ATP8A2: variants seen among roughly 807,000 people sequenced by gnomAD.
The protein encoded by ATP8A2 is ATPase phospholipid transporting 8A2, also known as phospholipid-transporting ATPase IB.
Under a neutral mutation model 165.6 loss-of-function variants are expected in ATP8A2, and 100 were observed. The ratio of observed to expected loss-of-function variants is 0.60; its 90% confidence interval spans 0.51 to 0.71. The LOEUF is 0.71. Ranked by LOEUF, ATP8A2 falls within the 30% of genes least tolerant of loss-of-function variation. The probability of loss-of-function intolerance (pLI) is 0.00; values close to 1 mark genes in which losing one functional copy is unlikely to be tolerated. For missense variants in ATP8A2, 1,227 were observed against 1,479.5 expected (o/e 0.83, Z 2.80); for synonymous variants, 543 against 548.8 (o/e 0.99, Z 0.15).
chr13:25,816,346 C>T (rs1014723963), intron 27 of ATP8A2, among the ~76,000 whole-genome samples: 3 of 152,184 alleles, frequency 2.0e-5, no homozygotes, highest in Non-Finnish European at 2.9e-5. Flanking sequence ...TCTTCTCTCA[C>T]TTCATTTTCC....
intron 24 of ATP8A2, among the ~76,000 whole-genome samples, chr13:25,652,476 T>C (rs1275251596): frequency 4.6e-5 from 7 of 152,196 alleles, no homozygotes; most frequent in Admixed American, 4.6e-4. Context: ...ATGCTAGACC[T>C]CCCTCTTCCT....
In ATP8A2 at chr13:25,476,168, G is replaced by T. The variant is rs939350667; in HGVS notation, c.221+7047G>T. ...ATCCAATGTCATTGAGTACTGTGAG[G>T]ATGAAGAATTCTCCTCTAAATGTTT... On this transcript the variant is annotated intron_variant, in intron 2 of 36. Coordinates refer to ENST00000381655, the MANE Select transcript of ATP8A2 (RefSeq NM_016529.6). Among the ~76,000 whole-genome samples the T allele has an allele frequency of 3.9e-5, 6 of 152,130 alleles. 1 individual carries two copies. In the South Asian group the frequency reaches 1.2e-3, roughly 32 times the overall value.
rs181962390 is a variant in ATP8A2, at chr13:25,624,358, A to G, written c.2211+34659A>G. On this transcript the variant is annotated intron_variant, in intron 24 of 36. Transcript: ENST00000381655. ...AATACAGAAGAGGAAAAGGAGACAA[A>G]TGAAATTACAGAAATGGCCTCAGCT... Among the ~76,000 whole-genome samples, 58 of 152,294 alleles carry G rather than the reference A, an allele frequency of 3.8e-4. 1 individual carries two copies. The highest frequency in any genetic ancestry group is 3.4e-3 in the Middle Eastern group (1 of 294).
At chr13:25,850,733 A>C (rs1037439087) in intron 30 of ATP8A2, among the ~76,000 whole-genome samples, 7 of 152,198 alleles carry the variant, frequency 4.6e-5, no homozygotes, top group Non-Finnish European at 1.0e-4. Flanking sequence ...GTGGGAAGGA[A>C]TATTTTGTCA....
At chr13:25,787,167 A>G (rs929210812) in intron 27 of ATP8A2, among the ~76,000 whole-genome samples, 1 of 152,222 alleles carries the variant, frequency 6.6e-6, no homozygotes, top group Non-Finnish European at 1.5e-5. Flanking sequence ...AGATAAGAAC[A>G]GTATGACACT....
At chr13:25,472,635 C>G (rs1475079847) in intron 2 of ATP8A2, among the ~76,000 whole-genome samples, 1 of 152,068 alleles carries the variant, frequency 6.6e-6, no homozygotes, top group Non-Finnish European at 1.5e-5. Flanking sequence ...TATAATTTTT[C>G]TGGAGAAAAG....
intron 24 of ATP8A2, among the ~76,000 whole-genome samples, chr13:25,632,527 A>T (rs2137521463): frequency 6.6e-6 from 1 of 152,320 alleles, no homozygotes; most frequent in Admixed American, 6.5e-5. Context: ...GGTAACAGGG[A>T]TGAAGAGCAA....
intron 24 of ATP8A2, among the ~76,000 whole-genome samples, chr13:25,688,075 ACAGC>A (rs1416606572): frequency 1.3e-5 from 2 of 152,058 alleles, no homozygotes; most frequent in Non-Finnish European, 1.5e-5. Context: ...CACTGCCCCA[ACAGC>A]CAGACATGCG....
At chr13:25,570,900 C>A in intron 17 of ATP8A2, 28 bp downstream of exon 17, 2 of 1,534,888 alleles carry the variant, frequency 1.3e-6, no homozygotes, top group Non-Finnish European at 1.8e-6. Flanking sequence ...ATGCGCCCTG[C>A]TGGCCCCTTC....
At position 25,839,526 on chromosome 13, in the gene ATP8A2, C is replaced by T; in HGVS notation, c.2878-20C>T. On this transcript the variant is annotated intron_variant, in intron 29 of 36. Coordinates refer to ENST00000381655, the MANE Select transcript of ATP8A2 (RefSeq NM_016529.6). ...AGCGTTTTGGGCAGCTCCTGACTCC[C>T]TTGGTTTGTTTTTCCTTAGGTTTTC... is the stretch of plus-strand genomic sequence containing the variant. 1 of 1,605,760 alleles carries T rather than the reference C, an allele frequency of 6.2e-7. No homozygotes were observed. The highest frequency in any genetic ancestry group is 2.2e-5 in the East Asian group (1 of 44,822).
intron 1 of ATP8A2, among the ~76,000 whole-genome samples, chr13:25,379,676 A>G (rs747168925): frequency 8.5e-5 from 13 of 152,188 alleles, no homozygotes; most frequent in Non-Finnish European, 1.8e-4. Context: ...CTCAGTAGTT[A>G]CTGTATATGT....
At chr13:25,731,067 GA>G (rs1259752616) in intron 25 of ATP8A2, among the ~76,000 whole-genome samples, 23 of 150,624 alleles carry the variant, frequency 1.5e-4, no homozygotes, top group African/African-American at 4.9e-4. Context: ...AAAAGAAGGA[GA>G]GGGGAGGAAA....
chr13:25,845,997 G>A (rs2138686960), intron 30 of ATP8A2, among the ~76,000 whole-genome samples: 1 of 152,262 alleles, frequency 6.6e-6, no homozygotes, highest in African/African-American at 2.4e-5. Flanking sequence ...CCAACATGGT[G>A]AAACCCCATC....
At chr13:25,436,246 C>G (rs1423866168) in intron 1 of ATP8A2, among the ~76,000 whole-genome samples, 2 of 152,106 alleles carry the variant, frequency 1.3e-5, no homozygotes, top group Non-Finnish European at 2.9e-5. Flanking sequence ...ACCCAGTAGG[C>G]AGTTCCTCAG....
chr13:25,458,620 C>T (rs1361728660), intron 1 of ATP8A2, among the ~76,000 whole-genome samples: 2 of 152,204 alleles, frequency 1.3e-5, no homozygotes, highest in African/African-American at 2.4e-5. Flanking sequence ...AAACACTTGC[C>T]TGTTTTTGAT....
intron 1 of ATP8A2, among the ~76,000 whole-genome samples, chr13:25,428,500 C>T (rs1566124903): frequency 6.6e-6 from 1 of 152,118 alleles, no homozygotes; most frequent in East Asian, 1.9e-4. Context: ...GGCACTTAAA[C>T]CCCTGGGTGT....
intron 1 of ATP8A2, among the ~76,000 whole-genome samples, chr13:25,436,888 C>T (rs930426907): frequency 3.3e-5 from 5 of 151,908 alleles, no homozygotes; most frequent in African/African-American, 7.3e-5. Flanking sequence ...GTGATCTTCC[C>T]ACCTCAGCCT....
At chr13:25,612,769 C>A (rs2040721770) in intron 24 of ATP8A2, among the ~76,000 whole-genome samples, 1 of 152,076 alleles carries the variant, frequency 6.6e-6, no homozygotes, top group Non-Finnish European at 1.5e-5. Context: ...TGCCATCTAT[C>A]TCATTTCTTA....
intron 33 of ATP8A2, among the ~76,000 whole-genome samples, chr13:25,952,659 A>G (rs1173268198): frequency 6.6e-6 from 1 of 152,126 alleles, no homozygotes; most frequent in Non-Finnish European, 1.5e-5. Flanking sequence ...CGCGTGAGCC[A>G]CCACGCCTAG....
Sources: allele counts gnomAD v4.1 joint callset (sites outside exome capture counted in the v4.1 genomes callset), GRCh38; gene constraint gnomAD v4.1.1; transcripts MANE v1.5; gene names NCBI Gene and HGNC (gene_info 2026-07-23, HGNC 2026-07-21).